SNTB1: variants seen among roughly 807,000 people sequenced by gnomAD.
SNTB1 encodes the protein syntrophin beta 1.
Under a neutral mutation model 48.9 loss-of-function variants are expected in SNTB1, and 36 were observed. The observed-to-expected ratio is 0.74, with a 90% CI of 0.56 to 0.97. The LOEUF is 0.97. Among genes scored for constraint, SNTB1 ranks in the 50% least tolerant of loss-of-function variants. The pLI, the probability that SNTB1 is intolerant of heterozygous loss-of-function variation, is 0.00. For missense variants in SNTB1, 786 were observed against 703.4 expected (o/e 1.12, Z -1.33); for synonymous variants, 299 against 294.6 (o/e 1.01, Z -0.15).
chr8:120,715,679 C>A (rs1818543158), intron 1 of SNTB1, among the ~76,000 whole-genome samples: 1 of 152,180 alleles, frequency 6.6e-6, no homozygotes, highest in Non-Finnish European at 1.5e-5. Flanking sequence ...TTAGCACAGA[C>A]CAAAGGGTCC....
chr8:120,734,504 T>A (rs2129986111), intron 1 of SNTB1, among the ~76,000 whole-genome samples: 1 of 151,904 alleles, frequency 6.6e-6, no homozygotes, highest in African/African-American at 2.4e-5. Context: ...ATTTATTGAA[T>A]GCTTGCTATG....
chr8:120,786,473 C>G (rs998665732), intron 1 of SNTB1, among the ~76,000 whole-genome samples: 2 of 152,196 alleles, frequency 1.3e-5, no homozygotes, highest in Admixed American at 6.5e-5. Context: ...ACTGCAGACA[C>G]AGCTGGGGCT....
At chr8:120,651,389 C>T (rs1817408859) in intron 2 of SNTB1, among the ~76,000 whole-genome samples, 1 of 152,190 alleles carries the variant, frequency 6.6e-6, no homozygotes, top group East Asian at 1.9e-4. Context: ...ACCCATCTAC[C>T]TCTTTGTTCT....
intron 1 of SNTB1, among the ~76,000 whole-genome samples, chr8:120,762,772 A>C (rs1184914444): frequency 6.6e-6 from 1 of 152,206 alleles, no homozygotes; most frequent in Non-Finnish European, 1.5e-5. Flanking sequence ...AGAATCCAGT[A>C]CAGTGTTTAG....
intron 3 of SNTB1, among the ~76,000 whole-genome samples, chr8:120,580,271 G>A (rs762906176): frequency 4.6e-5 from 7 of 152,136 alleles, no homozygotes; most frequent in Non-Finnish European, 8.8e-5. Flanking sequence ...ATGGCAGGAA[G>A]AGCTCACAGT....
At chr8:120,594,531 C>T (rs976584545) in intron 3 of SNTB1, among the ~76,000 whole-genome samples, 28 of 151,964 alleles carry the variant, frequency 1.8e-4, no homozygotes, top group Non-Finnish European at 1.2e-4. Flanking sequence ...AGCCACCGCA[C>T]TCAACCACTA....
At chr8:120,541,144 T>C (rs1586984576) in intron 6 of SNTB1, 1 of 152,354 alleles carries the variant, frequency 6.6e-6, no homozygotes, top group Admixed American at 6.5e-5. Context: ...TCATATACTT[T>C]TTCATTATGG....
intron 1 of SNTB1, among the ~76,000 whole-genome samples, chr8:120,808,288 G>A (rs753642558): frequency 2.6e-5 from 4 of 152,172 alleles, no homozygotes; most frequent in African/African-American, 2.4e-5. Flanking sequence ...AATAACAACA[G>A]TACTGGCCTC....
rs192176563 is a variant in SNTB1 at position 120,758,150 on chromosome 8, A to G, written c.571+53123T>C. Among the ~76,000 whole-genome samples the G allele has an allele frequency of 8.5e-5, 13 of 152,330 alleles. No homozygotes were observed. The East Asian group carries it at 1.7e-3, about 20-fold the overall frequency. ...AAGGAAGGAGGGAAAAAGATGAAAAATTAATTATTGATTTCCAATATTTAA... is the reference window on the plus strand; with the variant it reads ...AAGGAAGGAGGGAAAAAGATGAAAAGTTAATTATTGATTTCCAATATTTAA... On this transcript the variant is annotated intron_variant, in intron 1 of 6. Transcript: ENST00000517992.
chr8:120,808,508 AG>A (rs1166587386), intron 1 of SNTB1, among the ~76,000 whole-genome samples: 3 of 152,236 alleles, frequency 2.0e-5, no homozygotes, highest in African/African-American at 7.2e-5. Flanking sequence ...ACTGTCCTTG[AG>A]AAGGGATAGT....
chr8:120,764,830 T>C (rs1256025937), intron 1 of SNTB1, among the ~76,000 whole-genome samples: 1 of 152,190 alleles, frequency 6.6e-6, no homozygotes, highest in Non-Finnish European at 1.5e-5. Context: ...ATCAATCATT[T>C]TGACAGATTC....
At chr8:120,555,840 T>C (rs535145344) in intron 4 of SNTB1, among the ~76,000 whole-genome samples, 1 of 151,902 alleles carries the variant, frequency 6.6e-6, no homozygotes, top group South Asian at 2.1e-4. Context: ...GCCAAAAATC[T>C]CTCCCCCTCC....
chr8:120,601,233 G>A (rs1447034055), intron 3 of SNTB1, among the ~76,000 whole-genome samples: 1 of 152,010 alleles, frequency 6.6e-6, no homozygotes. Context: ...CTAGTGGGGA[G>A]GGGGAGTGGT....
chr8:120,652,784 T>A (rs1009474982), intron 2 of SNTB1, among the ~76,000 whole-genome samples: 10 of 152,198 alleles, frequency 6.6e-5, no homozygotes, highest in Non-Finnish European at 1.5e-4. Context: ...ATGTTAGTAG[T>A]TGTCACTTAT....
At chr8:120,587,274 A>G (rs931899763) in intron 3 of SNTB1, among the ~76,000 whole-genome samples, 1 of 152,086 alleles carries the variant, frequency 6.6e-6, no homozygotes, top group African/African-American at 2.4e-5. Flanking sequence ...AACAACAACA[A>G]AAAAGAAAAC....
chr8:120,686,016 C>G (rs1818025193), intron 2 of SNTB1, among the ~76,000 whole-genome samples: 1 of 152,196 alleles, frequency 6.6e-6, no homozygotes, highest in South Asian at 2.1e-4. Context: ...CATCTGAGAC[C>G]TAATCAGAAC....
intron 1 of SNTB1, among the ~76,000 whole-genome samples, chr8:120,723,530 G>T (rs1174716276): frequency 6.6e-6 from 1 of 152,166 alleles, no homozygotes; most frequent in African/African-American, 2.4e-5. Context: ...CCTAGAGTTT[G>T]CTAAGCCCAC....
intron 1 of SNTB1, among the ~76,000 whole-genome samples, chr8:120,799,861 A>G (rs1563606571): frequency 6.6e-6 from 1 of 152,142 alleles, no homozygotes; most frequent in East Asian, 1.9e-4. Context: ...ATGTCCTAAA[A>G]ACTTGACACC....
At chr8:120,608,005 G>T (rs768293173) in intron 3 of SNTB1, among the ~76,000 whole-genome samples, 1 of 152,186 alleles carries the variant, frequency 6.6e-6, no homozygotes, top group African/African-American at 2.4e-5. Flanking sequence ...AGGGTCTGGG[G>T]TTAGCACTTA....
Sources: gnomAD v4.1 joint callset for allele counts (sites outside exome capture counted in the v4.1 genomes callset) on GRCh38, gnomAD v4.1.1 for gene constraint, MANE v1.5 for transcripts, NCBI Gene and HGNC (gene_info 2026-07-23, HGNC 2026-07-21) for gene names.